The following RAPGEF2 variants were observed in gnomAD, a reference collection of about 807,000 sequenced individuals.
RAPGEF2 encodes PDZ domain containing guanine nucleotide exchange factor (GEF) 1.
A neutral mutation model predicts 186.7 loss-of-function variants in RAPGEF2; 54 were observed. The ratio of observed to expected loss-of-function variants is 0.29; its 90% confidence interval spans 0.23 to 0.36. RAPGEF2 has a LOEUF of 0.36. Among genes scored for constraint, RAPGEF2 ranks in the 10% least tolerant of loss-of-function variants. The pLI is 1.00. For synonymous variants in RAPGEF2, 712 were observed against 705.9 expected, an observed-to-expected ratio of 1.01 and a Z score of -0.14; for missense variants, 1,532 against 2,045.0, an observed-to-expected ratio of 0.75 and a Z score of 4.84.
chr4:159,324,622 T>A (rs1195178994), intron 11 of RAPGEF2, among the ~76,000 whole-genome samples: 4 of 152,142 alleles, frequency 2.6e-5, no homozygotes, highest in Non-Finnish European at 5.9e-5. Context: ...TGGAAATTAA[T>A]CATAGTGTGA....
chr4:159,233,893 C>T (rs1005622577), intron 4 of RAPGEF2, among the ~76,000 whole-genome samples: 1 of 152,072 alleles, frequency 6.6e-6, no homozygotes, highest in Admixed American at 6.5e-5. Context: ...GGCCTGAGTA[C>T]CACACTATTT....
chr4:159,159,303 A>G (rs1744452743), intron 1 of RAPGEF2, among the ~76,000 whole-genome samples: 1 of 152,256 alleles, frequency 6.6e-6, no homozygotes, highest in Non-Finnish European at 1.5e-5. Flanking sequence ...ATGGTTGGAC[A>G]TCACTATTCT....
chr4:159,131,180 G>A (rs943023503), intron 1 of RAPGEF2, among the ~76,000 whole-genome samples: 4 of 151,950 alleles, frequency 2.6e-5, no homozygotes, highest in Admixed American at 6.6e-5. Flanking sequence ...GCACGATCTC[G>A]GCTCACCGCA....
intron 1 of RAPGEF2, among the ~76,000 whole-genome samples, chr4:159,175,714 A>T (rs139205142): frequency 1.5e-3 from 228 of 152,266 alleles, no homozygotes; most frequent in African/African-American, 4.3e-3. Context: ...CCAGTCTGCC[A>T]CCTTGTGGTT....
At chr4:159,323,817 C>G (rs951203701) in intron 11 of RAPGEF2, among the ~76,000 whole-genome samples, 200 bp downstream of exon 11, 2 of 150,548 alleles carry the variant, frequency 1.3e-5, no homozygotes, top group Non-Finnish European at 2.9e-5. Flanking sequence ...CTCCTGAGTT[C>G]TAGTGATTCC....
intron 7 of RAPGEF2, among the ~76,000 whole-genome samples, chr4:159,264,477 G>A (rs931225881): frequency 2.0e-5 from 3 of 152,204 alleles, no homozygotes; most frequent in African/African-American, 4.8e-5. Flanking sequence ...CTTGAGAGGA[G>A]TGTTTTGGCA....
intron 7 of RAPGEF2, among the ~76,000 whole-genome samples, chr4:159,260,197 C>G (rs1440269047): frequency 6.6e-6 from 1 of 151,856 alleles, no homozygotes; most frequent in Non-Finnish European, 1.5e-5. Context: ...CCACACTAGT[C>G]TTGAACTCCT....
Position 159,352,762 on chromosome 4 carries a change from A to G in RAPGEF2, c.3943A>G (p.Ile1315Val), listed in dbSNP as rs1731378632. The G allele has an allele frequency of 6.2e-7, 1 of 1,614,178 alleles. No homozygotes were observed. The highest frequency in any genetic ancestry group is 8.5e-7 in the Non-Finnish European group (1 of 1,180,018). Residue 1315 changes from isoleucine (I) to valine (V), a missense_variant, in exon 27 of 30, where the codon ATT (isoleucine) becomes GTT (valine). Around this residue, in one of 4 missense-constraint regions of RAPGEF2, gnomAD observed 594 missense variants for 608.5 expected, o/e 0.98. Transcript: ENST00000691494. The stretch of plus-strand genomic sequence containing the variant: ...CAGTGAAATTTCTTCACGATCCAGT[A>G]TTGTTAGCAATTCGTCTTTTGACTC... ...GHSEISSRSS[I>V]VSNSSFDSVP...
intron 7 of RAPGEF2, among the ~76,000 whole-genome samples, chr4:159,263,547 T>C (rs1757109714): frequency 6.6e-6 from 1 of 152,194 alleles, no homozygotes; most frequent in Admixed American, 6.6e-5. Context: ...TATTTAACTA[T>C]TAAGTGAAGT....
At chr4:159,348,273 TGG>T (rs1730684258) in intron 25 of RAPGEF2, among the ~76,000 whole-genome samples, 2 of 151,424 alleles carry the variant, frequency 1.3e-5, no homozygotes, top group South Asian at 2.1e-4. Context: ...GATGGATGGA[TGG>T]ATGGATGGAT....
chr4:159,137,353 A>AG (rs1162934861), intron 1 of RAPGEF2, among the ~76,000 whole-genome samples: 1 of 152,070 alleles, frequency 6.6e-6, no homozygotes, highest in Non-Finnish European at 1.5e-5. Context: ...AGCTCATAGG[A>AG]GGGGAAATGT....
At chr4:159,121,664 A>T (rs1739693964) in intron 1 of RAPGEF2, among the ~76,000 whole-genome samples, 1 of 151,934 alleles carries the variant, frequency 6.6e-6, no homozygotes, top group Admixed American at 6.6e-5. Context: ...GATTTCAATA[A>T]ATATATTAAA....
chr4:159,275,115 A>T (rs912527830), intron 7 of RAPGEF2, among the ~76,000 whole-genome samples: 2 of 150,604 alleles, frequency 1.3e-5, no homozygotes, highest in African/African-American at 4.9e-5. Flanking sequence ...TGAGAATCTT[A>T]TAATTGCACA....
intron 7 of RAPGEF2, among the ~76,000 whole-genome samples, chr4:159,272,919 C>T (rs1160857342): frequency 6.6e-6 from 1 of 152,152 alleles, no homozygotes; most frequent in Non-Finnish European, 1.5e-5. Flanking sequence ...TCAACTGGAA[C>T]AGATTTAAGA....
chr4:159,328,270 G>A (rs1240269822), intron 11 of RAPGEF2: 1 of 152,054 alleles, frequency 6.6e-6, no homozygotes, highest in Non-Finnish European at 1.5e-5. Context: ...CACACCTGTG[G>A]TCAGTGTTAA....
intron 3 of RAPGEF2, among the ~76,000 whole-genome samples, chr4:159,199,297 A>G (rs550730353): frequency 2.6e-5 from 4 of 152,284 alleles, no homozygotes; most frequent in Admixed American, 2.6e-4. Context: ...TTTTTATATT[A>G]CTATTTTAAA....
At chr4:159,246,800 A>C (rs1754683420) in intron 7 of RAPGEF2, among the ~76,000 whole-genome samples, 1 of 152,076 alleles carries the variant, frequency 6.6e-6, no homozygotes, top group African/African-American at 2.4e-5. Flanking sequence ...AGGTTTCTTT[A>C]GGTTTGACTC....
At chr4:159,263,773 G>A (rs1579666461) in intron 7 of RAPGEF2, among the ~76,000 whole-genome samples, 1 of 152,052 alleles carries the variant, frequency 6.6e-6, no homozygotes, top group Admixed American at 6.6e-5. Flanking sequence ...ACTGAGAACA[G>A]ACCATTTTTC....
intron 17 of RAPGEF2, 138 bp downstream of exon 17, chr4:159,332,835 TAAAC>T (rs1766873042): frequency 9.7e-7 from 1 of 1,034,812 alleles, no homozygotes; most frequent in South Asian, 2.1e-5. Flanking sequence ...GAAGCAGTAT[TAAAC>T]AATCAAATTT....
Sources: gnomAD v4.1 joint callset for allele counts (sites outside exome capture counted in the v4.1 genomes callset) on GRCh38, gnomAD v4.1.1 for gene constraint, gnomAD v4.1.1 regional missense constraint, MANE v1.5 for transcripts, NCBI Gene and HGNC (gene_info 2026-07-23, HGNC 2026-07-21) for gene names.